The following INSL6 variants were observed in gnomAD, a reference collection of about 807,000 sequenced individuals.
INSL6 encodes the protein insulin like 6, also known as insulin-like peptide INSL6.
INSL6 carries 16 observed loss-of-function variants against 9.4 expected under a neutral mutation model. The observed-to-expected ratio is 1.70, with a 90% confidence interval of 1.15 to 2.59. The LOEUF is 2.59. INSL6 is among the 30% of genes most tolerant of loss of function. The probability of loss-of-function intolerance (pLI) is 0.00; values close to 1 mark genes in which losing one functional copy is unlikely to be tolerated. For missense variants in INSL6, 391 were observed against 257.3 expected (o/e 1.52, Z -3.56); for synonymous variants, 154 against 96.9 (o/e 1.59, Z -3.46).
chr9:5,163,626 G>C (rs528523034), downstream of INSL6, among the ~76,000 whole-genome samples: 17 of 141,056 alleles, frequency 1.2e-4, no homozygotes, highest in Non-Finnish European at 1.9e-4. Flanking sequence ...TTAAAACACA[G>C]CTTAAGAGAG....
At chr9:5,123,114 C>A (rs771690089), downstream of INSL6, 4 of 1,576,864 alleles carry the variant, frequency 2.5e-6, no homozygotes, top group Non-Finnish European at 3.5e-6. Flanking sequence ...AGTAAAAGTC[C>A]ACCAGCGGTC....
At chr9:5,074,962 C>A in the INSL6 span, among the ~76,000 whole-genome samples, 1 of 152,156 alleles carries the variant, frequency 6.6e-6, no homozygotes, top group Non-Finnish European at 1.5e-5. Context: ...CCTGTGAGCA[C>A]ATAAATTACA....
At chr9:5,045,214 A>G in the INSL6 span, among the ~76,000 whole-genome samples, 1 of 152,190 alleles carries the variant, frequency 6.6e-6, no homozygotes, top group Non-Finnish European at 1.5e-5. Flanking sequence ...TTGGGTAAAA[A>G]TAGGCACTTG....
At chr9:5,053,661 T>G in the INSL6 span, among the ~76,000 whole-genome samples, 4 of 152,066 alleles carry the variant, frequency 2.6e-5, no homozygotes, top group Admixed American at 6.6e-5. Flanking sequence ...GAAATGGCTA[T>G]GTACATGCTT....
At chr9:5,135,385 C>A (rs1014500939) in intron 2 of INSL6, among the ~76,000 whole-genome samples, 2 of 152,152 alleles carry the variant, frequency 1.3e-5, no homozygotes, top group South Asian at 4.2e-4. Context: ...GTAAAACACT[C>A]ATCAGCAAAT....
At chr9:5,115,108 C>G in the INSL6 span, among the ~76,000 whole-genome samples, 1 of 152,118 alleles carries the variant, frequency 6.6e-6, no homozygotes, top group Non-Finnish European at 1.5e-5. Context: ...GCAAAAGAAA[C>G]TGATCAGAGT....
At chr9:5,130,137 T>C (rs752794256) in intron 3 of INSL6, among the ~76,000 whole-genome samples, 5 of 152,244 alleles carry the variant, frequency 3.3e-5, no homozygotes, top group Middle Eastern at 6.8e-3. Flanking sequence ...TTTATTTACA[T>C]AGCAAATTGC....
chr9:5,142,313 A>G (rs1375664703), intron 2 of INSL6, among the ~76,000 whole-genome samples: 1 of 152,192 alleles, frequency 6.6e-6, no homozygotes, highest in African/African-American at 2.4e-5. Context: ...CAGTAGGGCC[A>G]TTTTAACTAT....
At chr9:5,122,911 T>A (rs561941487), downstream of INSL6, 3 of 405,206 alleles carry the variant, frequency 7.4e-6, no homozygotes, top group East Asian at 1.7e-4. Context: ...TCTCTACATG[T>A]TTTTTTTTTT....
At chr9:5,057,585 T>C in the INSL6 span, among the ~76,000 whole-genome samples, 3,357 of 126,826 alleles carry the variant, frequency 0.026, 129 homozygotes, top group African/African-American at 0.14. Context: ...ACTTTCTTTT[T>C]TTTTTTTTTT....
chr9:5,151,615 T>C (rs1289954728), intron 2 of INSL6, among the ~76,000 whole-genome samples: 2 of 152,062 alleles, frequency 1.3e-5, no homozygotes, highest in Admixed American at 6.5e-5. Context: ...AAGATGTATA[T>C]TGTAAATGCT....
chr9:5,141,933 T>C (rs1399939045), intron 2 of INSL6, among the ~76,000 whole-genome samples: 4 of 152,236 alleles, frequency 2.6e-5, no homozygotes, highest in Non-Finnish European at 5.9e-5. Flanking sequence ...AATCTGCATA[T>C]GGCTAGCAAG....
At chr9:5,036,109 C>T in the INSL6 span, among the ~76,000 whole-genome samples, 1 of 152,304 alleles carries the variant, frequency 6.6e-6, no homozygotes, top group South Asian at 2.1e-4. Flanking sequence ...AGAGCCAAAT[C>T]ATGAGTGAAC....
At chr9:5,082,863 G>C in the INSL6 span, among the ~76,000 whole-genome samples, 2 of 152,202 alleles carry the variant, frequency 1.3e-5, no homozygotes, top group Non-Finnish European at 2.9e-5. Context: ...GTGAGCTTCA[G>C]GTTGGGGCAA....
chr9:5,089,501 G>GCACTC, the INSL6 span, among the ~76,000 whole-genome samples: 2 of 121,514 alleles, frequency 1.6e-5, no homozygotes, highest in Non-Finnish European at 3.1e-5. Flanking sequence ...TCGTGCCACT[G>GCACTC]CACTCCAACC....
At chr9:5,112,996 G>T in the INSL6 span, 1 of 184,872 alleles carries the variant, frequency 5.4e-6, no homozygotes, top group South Asian at 1.6e-4. Context: ...ATGAGGCTCA[G>T]AGTGATGGGG....
At chr9:5,054,076 C>G in the INSL6 span, among the ~76,000 whole-genome samples, 1 of 151,910 alleles carries the variant, frequency 6.6e-6, no homozygotes, top group Non-Finnish European at 1.5e-5. This position sits in a 1 kb window ranked among gnomAD's most constrained non-coding sequence, Gnocchi z 4.9. Context: ...TGAAGCTGGC[C>G]TAACAAAATA....
At chr9:4,995,275 G>C in the INSL6 span, among the ~76,000 whole-genome samples, 1 of 152,168 alleles carries the variant, frequency 6.6e-6, no homozygotes, top group East Asian at 1.9e-4. Context: ...AGATAGCTTT[G>C]AGTTTGCGAA....
chr9:5,148,254 T>C (rs1463222574), intron 2 of INSL6, among the ~76,000 whole-genome samples: 1 of 152,172 alleles, frequency 6.6e-6, no homozygotes, highest in Non-Finnish European at 1.5e-5. Context: ...TACAGGGTCT[T>C]TGTTGAATTT....
Sources: allele counts gnomAD v4.1 joint callset (sites outside exome capture counted in the v4.1 genomes callset), GRCh38; gene constraint gnomAD v4.1.1; non-coding constraint Gnocchi (gnomAD v3.1); transcripts MANE v1.5; gene names NCBI Gene and HGNC (gene_info 2026-07-23, HGNC 2026-07-21).